TAFA1: variants seen among roughly 807,000 people sequenced by gnomAD.
TAFA1 encodes TAFA chemokine like family member 1, also known as chemokine-like protein TAFA-1.
Under a neutral mutation model 18.5 loss-of-function variants are expected in TAFA1, and 4 were observed. The observed-to-expected ratio is 0.22, with a 90% CI of 0.11 to 0.49. The LOEUF is 0.49. TAFA1 is among the 20% of genes least tolerant of loss of function. TAFA1 has a pLI of 0.98. For missense variants in TAFA1, 147 were observed against 169.0 expected (o/e 0.87, Z 0.72); for synonymous variants, 56 against 55.2 (o/e 1.01, Z -0.06).
chr3:68,523,744 C>G (rs555766351), intron 3 of TAFA1, among the ~76,000 whole-genome samples: 15 of 152,110 alleles, frequency 9.9e-5, no homozygotes, highest in African/African-American at 2.4e-4. Context: ...TTTTTCTTTT[C>G]AAAGGCCTAG....
intron 3 of TAFA1, among the ~76,000 whole-genome samples, chr3:68,438,185 C>T (rs989627131): frequency 3.3e-5 from 5 of 152,182 alleles, no homozygotes; most frequent in African/African-American, 1.2e-4. Flanking sequence ...AGACAAAACC[C>T]TGTCTCTACT....
intron 2 of TAFA1, among the ~76,000 whole-genome samples, chr3:68,337,899 C>G (rs1034900649): frequency 6.6e-6 from 1 of 152,150 alleles, no homozygotes; most frequent in Non-Finnish European, 1.5e-5. Flanking sequence ...TGTGGCATGC[C>G]TGAGACATTG....
chr3:68,049,285 G>C (rs1190524495), intron 2 of TAFA1, among the ~76,000 whole-genome samples: 2 of 152,132 alleles, frequency 1.3e-5, no homozygotes, highest in Non-Finnish European at 2.9e-5. Flanking sequence ...TTGAAGAAAG[G>C]CTTTTCTCCT....
rs193134663 is a variant in TAFA1 at position 68,221,168 on chromosome 3, G to T, written c.119-196112G>T. ...CAGGAAGTGGCCTGTAGACCATTTT[G>T]GTCCAGTAACAAATACTCTTTTGTG... On this transcript the variant is annotated intron_variant, in intron 2 of 4. Coordinates refer to ENST00000478136, the MANE Select transcript of TAFA1 (RefSeq NM_213609.4). Among the ~76,000 whole-genome samples the T allele has an allele frequency of 1.1e-4, 17 of 152,208 alleles. No individual in the cohort carries two copies. In the East Asian group the frequency reaches 3.3e-3, roughly 29 times the overall value.
At chr3:68,411,805 T>A (rs2070724237) in intron 2 of TAFA1, among the ~76,000 whole-genome samples, 1 of 152,216 alleles carries the variant, frequency 6.6e-6, no homozygotes, top group Non-Finnish European at 1.5e-5. Flanking sequence ...TTTACTTTTT[T>A]AATACAAGCC....
chr3:68,004,761 A>G (rs1435702019), intron 1 of TAFA1, 59 bp downstream of exon 1: 1 of 152,170 alleles, frequency 6.6e-6, no homozygotes, highest in Non-Finnish European at 1.5e-5. Context: ...ATATCCAGGC[A>G]TATCTAGAGA....
chr3:68,149,346 T>C (rs1030164315), intron 2 of TAFA1, among the ~76,000 whole-genome samples: 7 of 152,194 alleles, frequency 4.6e-5, no homozygotes, highest in Admixed American at 2.6e-4. Flanking sequence ...ACAAGGTCTA[T>C]CTTAGTCTAT....
At chr3:68,526,531 A>G (rs1322535298) in intron 3 of TAFA1, among the ~76,000 whole-genome samples, 4 of 152,214 alleles carry the variant, frequency 2.6e-5, no homozygotes, top group Non-Finnish European at 4.4e-5. Flanking sequence ...ACCAAAAGTG[A>G]TATTTTAATA....
At chr3:68,498,827 T>C (rs1203234883) in intron 3 of TAFA1, among the ~76,000 whole-genome samples, 3 of 148,624 alleles carry the variant, frequency 2.0e-5, no homozygotes, top group Non-Finnish European at 4.4e-5. Context: ...TTCTTGTGTA[T>C]AGAGGGTTGG....
intron 2 of TAFA1, among the ~76,000 whole-genome samples, chr3:68,266,194 G>A (rs185540057): frequency 7.2e-5 from 11 of 152,208 alleles, no homozygotes; most frequent in East Asian, 1.9e-4. Flanking sequence ...CATGTAGCGC[G>A]CTTTAATTTA....
chr3:68,109,175 G>T (rs62245911), intron 2 of TAFA1, among the ~76,000 whole-genome samples: 19,002 of 151,836 alleles, frequency 0.13, 1,289 homozygotes, highest in Middle Eastern at 0.17. Context: ...AGATTTTTGA[G>T]TTGAAAAGAA....
chr3:67,992,193 A>T, the TAFA1 span, among the ~76,000 whole-genome samples: 5 of 152,226 alleles, frequency 3.3e-5, no homozygotes, highest in African/African-American at 9.6e-5. Flanking sequence ...TTATCCTGGG[A>T]TCTTGGCTGT....
rs114296414 is a variant in TAFA1, at chr3:68,089,950, C to T, written c.118+83206C>T. Among the ~76,000 whole-genome samples, 391 of 152,292 alleles carry T rather than the reference C, an allele frequency of 2.6e-3. 3 individuals carry two copies. The highest frequency in any genetic ancestry group is 4.1e-3 in the Non-Finnish European group (277 of 68,016). On this transcript the variant is annotated intron_variant, in intron 2 of 4. Transcript: ENST00000478136. Reference sequence around the variant, plus strand: ...GATCTCTGAGAATGAAATTGGCTGGCTGACCTCCTAAGATTCCCTCTTAAA... The same window carrying T: ...GATCTCTGAGAATGAAATTGGCTGGTTGACCTCCTAAGATTCCCTCTTAAA...
At chr3:68,246,589 CAAAAAAAAAAAAAAAAAAAAA>C (rs63748968) in intron 2 of TAFA1, among the ~76,000 whole-genome samples, 19 of 55,374 alleles carry the variant, frequency 3.4e-4, no homozygotes, top group Admixed American at 1.5e-3. Flanking sequence ...GACTCCGTCT[CAAAAAAAAAAAAAAAAAAAAA>C]AAAAAAAAAA....
chr3:68,537,105 A>G (rs368334566), intron 3 of TAFA1, among the ~76,000 whole-genome samples: 5 of 152,264 alleles, frequency 3.3e-5, no homozygotes, highest in African/African-American at 9.6e-5. Flanking sequence ...AAGAGTATTG[A>G]GGCATTTGTC....
At chr3:68,485,741 A>C (rs2072322912) in intron 3 of TAFA1, among the ~76,000 whole-genome samples, 1 of 152,212 alleles carries the variant, frequency 6.6e-6, no homozygotes, top group Non-Finnish European at 1.5e-5. Flanking sequence ...GTAGTTCACC[A>C]CTGATTTGCA....
intron 3 of TAFA1, among the ~76,000 whole-genome samples, chr3:68,504,211 T>C (rs2106713946): frequency 6.6e-6 from 1 of 152,300 alleles, no homozygotes; most frequent in Admixed American, 6.5e-5. Context: ...CATAAGGATC[T>C]TTCTTTCGCA....
At chr3:68,155,266 TAAC>T (rs2065853531) in intron 2 of TAFA1, among the ~76,000 whole-genome samples, 1 of 152,196 alleles carries the variant, frequency 6.6e-6, no homozygotes, top group South Asian at 2.1e-4. Context: ...GGGGAAGCTA[TAAC>T]TATGACATTC....
intron 3 of TAFA1, among the ~76,000 whole-genome samples, chr3:68,498,721 GCTTTTTTTTTTTT>G (rs2072598046): frequency 9.8e-6 from 1 of 101,722 alleles, no homozygotes; most frequent in African/African-American, 5.3e-5. Flanking sequence ...CCGTTTGGTG[GCTTTTTTTTTTTT>G]TTTTTTTTTT....
Sources: allele counts gnomAD v4.1 joint callset (sites outside exome capture counted in the v4.1 genomes callset), GRCh38; gene constraint gnomAD v4.1.1; transcripts MANE v1.5; gene names NCBI Gene and HGNC (gene_info 2026-07-23, HGNC 2026-07-21).